Variants in FOXP1 observed in about 807,000 individuals in gnomAD.
FOXP1 encodes forkhead box P1, also known as forkhead box protein P1.
FOXP1 carries 15 observed loss-of-function variants against 98.2 expected under a neutral mutation model. That is an observed-to-expected ratio of 0.15 (90% CI 0.10 to 0.24). The LOEUF (loss-of-function observed/expected upper bound fraction) is 0.24, where lower values mean the gene tolerates loss of function less well. Ranked by LOEUF, FOXP1 falls within the 10% of genes least tolerant of loss-of-function variation. The probability of loss-of-function intolerance (pLI) is 1.00; values close to 1 mark genes in which losing one functional copy is unlikely to be tolerated. For missense variants in FOXP1, 633 were observed against 848.5 expected (o/e 0.75, Z 3.15); for synonymous variants, 371 against 314.5 (o/e 1.18, Z -1.90).
chr3:71,321,139 G>GA (rs2075367902), intron 4 of FOXP1, among the ~76,000 whole-genome samples: 2 of 106,402 alleles, frequency 1.9e-5, no homozygotes, highest in Non-Finnish European at 4.1e-5. Flanking sequence ...AAAAAAAAAA[G>GA]GAAAAAAAAC....
intron 10 of FOXP1, among the ~76,000 whole-genome samples, chr3:71,042,644 G>A (rs2048505037): frequency 6.6e-6 from 1 of 152,158 alleles, no homozygotes; most frequent in Non-Finnish European, 1.5e-5. Flanking sequence ...TTTCAATCAA[G>A]TGTAACACAG....
At chr3:71,121,040 TTTC>T (rs1377777332) in intron 6 of FOXP1, among the ~76,000 whole-genome samples, 1 of 82,730 alleles carries the variant, frequency 1.2e-5, no homozygotes, top group East Asian at 2.4e-4. Context: ...TTTTTCTTTC[TTTC>T]TTTTTTTTTT....
At chr3:71,049,273 C>T (rs1267531361) in intron 9 of FOXP1, among the ~76,000 whole-genome samples, 3 of 152,090 alleles carry the variant, frequency 2.0e-5, no homozygotes, top group East Asian at 1.9e-4. Context: ...CATAACTGCC[C>T]GGGACAAACG....
At chr3:71,272,673 A>AC (rs2107313517) in intron 5 of FOXP1, among the ~76,000 whole-genome samples, 1 of 151,886 alleles carries the variant, frequency 6.6e-6, no homozygotes, top group African/African-American at 2.4e-5. Flanking sequence ...CTTTAATGTC[A>AC]CTGGGCTGCA....
At chr3:71,003,710 A>G (rs1166034826) in intron 12 of FOXP1, among the ~76,000 whole-genome samples, 1 of 152,194 alleles carries the variant, frequency 6.6e-6, no homozygotes, top group Non-Finnish European at 1.5e-5. Flanking sequence ...ATATGATTGG[A>G]GGATTTTTAT....
At chr3:71,159,629 A>T (rs913969440) in intron 6 of FOXP1, among the ~76,000 whole-genome samples, 2 of 152,194 alleles carry the variant, frequency 1.3e-5, no homozygotes, top group Non-Finnish European at 2.9e-5. Context: ...GGGTACAGTG[A>T]GGTGGAGTTG....
intron 4 of FOXP1, among the ~76,000 whole-genome samples, chr3:71,307,106 A>T (rs536674050): frequency 6.6e-6 from 1 of 152,360 alleles, no homozygotes; most frequent in South Asian, 2.1e-4. Flanking sequence ...AAACATAAAT[A>T]AGATTATGTT....
intron 5 of FOXP1, among the ~76,000 whole-genome samples, chr3:71,217,454 T>A (rs2065029320): frequency 6.6e-6 from 1 of 152,214 alleles, no homozygotes. Flanking sequence ...ATTATGTTCC[T>A]TAAAACTTTA....
chr3:70,988,044 T>A lies in FOXP1; in HGVS notation c.1096A>T (p.Met366Leu). 6.2e-7 allele frequency: 1 copy of A among 1,614,158 alleles called. No homozygotes were observed. Among genetic ancestry groups the A allele is most frequent in the Non-Finnish European group, 8.5e-7 (1 of 1,179,994 alleles). The change falls in exon 14 of 21, where the codon ATG becomes TTG. Residue 366 changes from methionine to leucine, a missense_variant. Physicochemically the swap from Met to Leu is conservative, Grantham distance 15. Coordinates refer to ENST00000649528, the MANE Select transcript of FOXP1 (RefSeq NM_001349338.3). ...GTAGACTTCACATGCAGGTGGGTCA[T>A]CATGGCTTGCAGGCGTTCTTTGTCT... ...AKDKERLQAM[M>L]THLHVKSTEP...
chr3:71,570,875 G>C (rs770184793), intron 2 of FOXP1: 1 of 152,216 alleles, frequency 6.6e-6, no homozygotes, highest in Non-Finnish European at 1.5e-5. Flanking sequence ...CAACGTGGAC[G>C]GACAGGGCTG....
intron 3 of FOXP1, among the ~76,000 whole-genome samples, chr3:71,389,668 AATAC>A (rs1167838203): frequency 6.6e-6 from 1 of 152,176 alleles, no homozygotes. Flanking sequence ...AATAATTGAG[AATAC>A]CTGTTTAGGT....
intron 6 of FOXP1, among the ~76,000 whole-genome samples, chr3:71,159,098 C>A (rs1297001343): frequency 1.8e-5 from 2 of 112,414 alleles, no homozygotes; most frequent in Non-Finnish European, 1.8e-5. Context: ...GGGCGGAACC[C>A]TATCTCAAAA....
intron 3 of FOXP1, among the ~76,000 whole-genome samples, chr3:71,492,609 A>G (rs1426485954): frequency 6.6e-6 from 1 of 152,194 alleles, no homozygotes; most frequent in Non-Finnish European, 1.5e-5. Flanking sequence ...CTAAGACAGA[A>G]AAAGATGAGG....
At chr3:71,476,803 C>A (rs964180926) in intron 3 of FOXP1, among the ~76,000 whole-genome samples, 1 of 151,984 alleles carries the variant, frequency 6.6e-6, no homozygotes, top group African/African-American at 2.4e-5. Flanking sequence ...TGCGCCGGGC[C>A]GCATTGATGG....
At chr3:71,177,011 C>T (rs1014748447) in intron 6 of FOXP1, among the ~76,000 whole-genome samples, 1 of 150,784 alleles carries the variant, frequency 6.6e-6, no homozygotes, top group African/African-American at 2.4e-5. Flanking sequence ...TGCAGTGAGC[C>T]GAGATCGTGC....
chr3:71,464,095 T>C (rs1367354745), intron 3 of FOXP1, among the ~76,000 whole-genome samples: 8 of 152,060 alleles, frequency 5.3e-5, no homozygotes, highest in African/African-American at 1.9e-4. Flanking sequence ...CTGGGCAACA[T>C]AGGGAGACGC....
intron 6 of FOXP1, among the ~76,000 whole-genome samples, chr3:71,181,049 G>C (rs1032067867): frequency 2.0e-5 from 3 of 152,172 alleles, no homozygotes; most frequent in African/African-American, 7.2e-5. Context: ...ATGAAGGTTT[G>C]CCTGTCAAAT....
At chr3:71,100,120 T>C (rs1377646567) in intron 7 of FOXP1, among the ~76,000 whole-genome samples, 3 of 152,166 alleles carry the variant, frequency 2.0e-5, no homozygotes, top group Non-Finnish European at 2.9e-5. Context: ...AAGGTGCACA[T>C]AGCACTTCTC....
intron 5 of FOXP1, among the ~76,000 whole-genome samples, chr3:71,256,111 C>T (rs1278103645): frequency 1.3e-5 from 2 of 152,134 alleles, no homozygotes; most frequent in Non-Finnish European, 2.9e-5. Flanking sequence ...TTCCCAATGA[C>T]GTAAATACCA....
Sources: allele counts gnomAD v4.1 joint callset (sites outside exome capture counted in the v4.1 genomes callset), GRCh38; gene constraint gnomAD v4.1.1; transcripts MANE v1.5; gene names NCBI Gene and HGNC (gene_info 2026-07-23, HGNC 2026-07-21).